Variants in AGR3 observed in about 807,000 individuals in gnomAD.
AGR3 encodes anterior gradient 3, protein disulphide isomerase family member.
A neutral mutation model predicts 24.5 loss-of-function variants in AGR3; 37 were observed. That is an observed-to-expected ratio of 1.51 (90% CI 1.16 to 1.99). The LOEUF is 1.99. AGR3 is among the 30% of genes most tolerant of loss of function. AGR3 has a pLI of 0.00. For missense variants in AGR3, 228 were observed against 191.1 expected, an observed-to-expected ratio of 1.19 and a Z score of -1.14; for synonymous variants, 75 against 61.6, an observed-to-expected ratio of 1.22 and a Z score of -1.02.
intron 3 of AGR3, chr7:16,866,224 A>G (rs1403035664): frequency 1.9e-6 from 1 of 523,970 alleles, no homozygotes; most frequent in African/African-American, 1.9e-5. Context: ...ATGTCTCTAT[A>G]CTCTAGAAAA....
intron 3 of AGR3, among the ~76,000 whole-genome samples, chr7:16,871,885 A>G (rs1781872832): frequency 1.3e-5 from 2 of 152,128 alleles, no homozygotes; most frequent in Admixed American, 6.5e-5. Flanking sequence ...ACACCTAGGA[A>G]TATATTAACC....
At chr7:16,859,678 C>T (rs1219204789) in intron 7 of AGR3, 47 bp from the exon 8 acceptor site, 2 of 1,245,064 alleles carry the variant, frequency 1.6e-6, no homozygotes, top group East Asian at 5.2e-5. Context: ...AATGAAAGTA[C>T]AAATGCTATG....
intron 3 of AGR3, among the ~76,000 whole-genome samples, chr7:16,872,076 TA>T (rs968669398): frequency 3.6e-4 from 44 of 121,864 alleles, no homozygotes; most frequent in African/African-American, 1.3e-3. Flanking sequence ...ATACCAATGA[TA>T]TTTTTCACAG....
intron 3 of AGR3, among the ~76,000 whole-genome samples, chr7:16,868,471 A>C (rs983508024): frequency 2.0e-5 from 3 of 152,140 alleles, no homozygotes; most frequent in African/African-American, 7.2e-5. Flanking sequence ...TCTTCTTTTA[A>C]GAAATGTCTA....
chr7:16,869,829 C>T (rs1284749725), intron 3 of AGR3, among the ~76,000 whole-genome samples: 1 of 151,672 alleles, frequency 6.6e-6, no homozygotes, highest in Non-Finnish European at 1.5e-5. Context: ...AAGTAATATA[C>T]TGTTTATTAT....
chr7:16,855,245 A>T (rs957127980), downstream of AGR3, among the ~76,000 whole-genome samples: 1 of 152,168 alleles, frequency 6.6e-6, no homozygotes, highest in African/African-American at 2.4e-5. Flanking sequence ...TTATTTCCAA[A>T]TAGGAAATAC....
chr7:16,874,170 G>C (rs903093524), intron 2 of AGR3, among the ~76,000 whole-genome samples: 6 of 152,276 alleles, frequency 3.9e-5, no homozygotes, highest in African/African-American at 1.2e-4. Context: ...GGAACGCTTG[G>C]AAAGTAACAG....
chr7:16,860,358 G>A, intron 7 of AGR3, 142 bp downstream of exon 7: 2 of 600,354 alleles, frequency 3.3e-6, no homozygotes, highest in Admixed American at 3.1e-5. Context: ...GATTTTGGTG[G>A]GAGCTAGAAG....
intron 3 of AGR3, chr7:16,864,559 A>T: frequency 7.1e-7 from 1 of 1,409,246 alleles, no homozygotes; most frequent in Non-Finnish European, 1.0e-6. Context: ...GAGCCTTCCA[A>T]TATCTTGGAT....
intron 3 of AGR3, chr7:16,865,950 G>A (rs1562546937): frequency 1.4e-6 from 1 of 692,936 alleles, no homozygotes; most frequent in African/African-American, 1.8e-5. Flanking sequence ...TCTAAGACTT[G>A]AGCTTTTTAC....
intron 7 of AGR3, among the ~76,000 whole-genome samples, chr7:16,860,076 C>A (rs187631017): frequency 6.9e-6 from 1 of 145,086 alleles, no homozygotes; most frequent in Admixed American, 7.1e-5. Flanking sequence ...GGCAACATAC[C>A]AAGACCCTGT....
At chr7:16,865,537 T>C (rs150976847) in intron 3 of AGR3, 1 of 692,004 alleles carries the variant, frequency 1.4e-6, no homozygotes, top group East Asian at 2.5e-5. Flanking sequence ...CTGTCACAGA[T>C]TATAAATATA....
At chr7:16,865,426 T>C (rs1781738665) in intron 3 of AGR3, 2 of 882,818 alleles carry the variant, frequency 2.3e-6, no homozygotes, top group Non-Finnish European at 3.8e-6. Flanking sequence ...AATTTCATCG[T>C]AATTGTTGGT....
At chr7:16,857,812 C>T (rs1244193874), downstream of AGR3, among the ~76,000 whole-genome samples, 1 of 152,014 alleles carries the variant, frequency 6.6e-6, no homozygotes, top group Admixed American at 6.6e-5. Flanking sequence ...AAATAAGACC[C>T]AAAGGAAACC....
intron 1 of AGR3, among the ~76,000 whole-genome samples, chr7:16,878,865 C>T (rs1378791396): frequency 6.6e-6 from 1 of 152,154 alleles, no homozygotes; most frequent in Non-Finnish European, 1.5e-5. Context: ...ATGTTCTGAG[C>T]CTCCTGGGCA....
intron 2 of AGR3, among the ~76,000 whole-genome samples, chr7:16,876,068 A>G (rs1583846563): frequency 6.6e-6 from 1 of 152,230 alleles, no homozygotes. Context: ...CATCTGCTGC[A>G]TAACTTACTC....
downstream of AGR3, among the ~76,000 whole-genome samples, chr7:16,857,614 T>C (rs1781572046): frequency 1.3e-5 from 2 of 152,124 alleles, no homozygotes; most frequent in Admixed American, 6.6e-5. Context: ...TTCATTAAAA[T>C]AAAAGCTCTA....
At chr7:16,858,048 A>C (rs1461632876), downstream of AGR3, among the ~76,000 whole-genome samples, 2 of 150,212 alleles carry the variant, frequency 1.3e-5, no homozygotes, top group East Asian at 1.9e-4. Flanking sequence ...AGTGCAATGG[A>C]ACGATCTTGG....
In AGR3 at chr7:16,873,819, AC is replaced by A. The variant is rs1781932330; in HGVS notation, c.133del (p.Val45TyrfsTer18). 4 of 1,613,162 alleles carry A rather than the reference AC, an allele frequency of 2.5e-6. No homozygotes were observed. The highest frequency in any genetic ancestry group is 3.4e-6 in the Non-Finnish European group (4 of 1,179,366). Reference protein sequence around the residue: ...SRGWGDDITWVQTYEEGLFYA... With the variant: ...SRGWGDDITWXQTYEEGLFYA... ...AAAGAGACCTTCTTCATAAGTTTGTACCCAAGTGATGTCATCTCCCCATCCT... is the reference window on the plus strand; with the variant it reads ...AAAGAGACCTTCTTCATAAGTTTGTACCAAGTGATGTCATCTCCCCATCCT... On this transcript the variant is annotated frameshift_variant, in exon 3 of 8. Transcript: ENST00000310398. LOFTEE classifies it high-confidence loss of function.
Sources: allele counts gnomAD v4.1 joint callset (sites outside exome capture counted in the v4.1 genomes callset), GRCh38; gene constraint gnomAD v4.1.1; transcripts MANE v1.5; gene names NCBI Gene and HGNC (gene_info 2026-07-23, HGNC 2026-07-21).